FLACC1: variants seen among roughly 807,000 people sequenced by gnomAD.
The protein encoded by FLACC1 is flagellum-associated coiled-coil domain-containing protein 1.
FLACC1 carries 66 observed loss-of-function variants against 62.8 expected under a neutral mutation model. That is an observed-to-expected ratio of 1.05 (90% CI 0.86 to 1.29). The LOEUF is 1.29. Ranked by LOEUF, FLACC1 falls within the 50% of genes most tolerant of loss-of-function variation. The probability of loss-of-function intolerance (pLI) is 0.00; values close to 1 mark genes in which losing one functional copy is unlikely to be tolerated. For synonymous variants in FLACC1, 156 were observed against 161.0 expected, an observed-to-expected ratio of 0.97 and a Z score of 0.24; for missense variants, 452 against 489.1, an observed-to-expected ratio of 0.92 and a Z score of 0.71.
At chr2:201,305,877 T>C (rs753751540) in intron 11 of FLACC1, among the ~76,000 whole-genome samples, 9 of 144,504 alleles carry the variant, frequency 6.2e-5, no homozygotes, top group Non-Finnish European at 9.0e-5. Flanking sequence ...AGGTAGGAAA[T>C]GAACAATGAG....
intron 12 of FLACC1, among the ~76,000 whole-genome samples, chr2:201,295,857 T>C (rs1949849434): frequency 6.6e-6 from 1 of 152,150 alleles, no homozygotes; most frequent in Non-Finnish European, 1.5e-5. Flanking sequence ...GCAAAGGATA[T>C]GAACAGACAC....
chr2:201,340,389 G>T (rs767769188), intron 7 of FLACC1, among the ~76,000 whole-genome samples: 2 of 151,896 alleles, frequency 1.3e-5, no homozygotes, highest in Non-Finnish European at 2.9e-5. Flanking sequence ...TTTGTGTTGT[G>T]CTACTGCTAA....
chr2:201,292,837 C>T (rs1228363060), intron 12 of FLACC1, among the ~76,000 whole-genome samples: 3 of 151,906 alleles, frequency 2.0e-5, no homozygotes, highest in Admixed American at 1.3e-4. Flanking sequence ...ATCTACCAAG[C>T]AAATGGAAAA....
intron 1 of FLACC1, among the ~76,000 whole-genome samples, chr2:201,354,774 G>C (rs1480734573): frequency 6.6e-6 from 1 of 152,172 alleles, no homozygotes; most frequent in Non-Finnish European, 1.5e-5. Context: ...GGAGTCCATG[G>C]GGCAAGAAGT....
chr2:201,341,904 A>T (rs1318886857), intron 7 of FLACC1, among the ~76,000 whole-genome samples: 1 of 151,982 alleles, frequency 6.6e-6, no homozygotes, highest in African/African-American at 2.4e-5. Context: ...TCTTGATTTG[A>T]CTTTGCTCCT....
intron 9 of FLACC1, among the ~76,000 whole-genome samples, chr2:201,323,809 G>GAAAAAAAAAAAAAAAAAAAAAAT: frequency 1.3e-5 from 1 of 77,374 alleles, no homozygotes; most frequent in South Asian, 5.8e-4. Context: ...AAAAAGTAAG[G>GAAAAAAAAAAAAAAAAAAAAAAT]AAGGAAGGAA....
At chr2:201,355,453 G>C (rs1951101122) in intron 1 of FLACC1, among the ~76,000 whole-genome samples, 1 of 152,078 alleles carries the variant, frequency 6.6e-6, no homozygotes, top group African/African-American at 2.4e-5. Context: ...ATCACTCAGT[G>C]GAGTTTTACA....
chr2:201,332,171 G>A (rs903863069), intron 7 of FLACC1, among the ~76,000 whole-genome samples: 2 of 151,780 alleles, frequency 1.3e-5, no homozygotes, highest in Non-Finnish European at 2.9e-5. Flanking sequence ...AAAAAGTGAT[G>A]TTATGATTTA....
In FLACC1 at chr2:201,357,233, T is replaced by C. The variant is rs1304524147; in HGVS notation, c.-299A>G. The C allele has an allele frequency of 6.6e-6, 1 of 152,252 alleles. No individual in the cohort carries two copies. The highest frequency in any genetic ancestry group is 1.5e-5 in the Non-Finnish European group (1 of 68,040). 9.4% of individuals were successfully genotyped at this position (152,252 alleles called of 1,614,324 possible). A position where few individuals can be genotyped will look rare whatever the true frequency, so the allele number is the denominator to read the frequency against. ...TACAAAGGCTGGCCTGGCACAAACA[T>C]GAATTTCCCTTCTAAAGACAAAACA... On this transcript the variant is annotated 5_prime_UTR_variant, in exon 1 of 15. An upstream start codon of the reference 5' UTR is lost. Coordinates refer to ENST00000392257, the MANE Select transcript of FLACC1 (RefSeq NM_001127391.3).
At chr2:201,307,687 C>T (rs949453424) in intron 10 of FLACC1, 65 bp from the exon 11 acceptor site, 3 of 1,148,576 alleles carry the variant, frequency 2.6e-6, no homozygotes, top group South Asian at 2.5e-5. Context: ...AATGAGAAAC[C>T]CAGAATATCT....
intron 11 of FLACC1, among the ~76,000 whole-genome samples, chr2:201,300,194 C>T (rs537266037): frequency 1.6e-4 from 24 of 152,296 alleles, no homozygotes; most frequent in Middle Eastern, 3.4e-3. Context: ...CCGTGACAGA[C>T]GGCACCTGGA....
intron 4 of FLACC1, 41 bp downstream of exon 4, chr2:201,348,213 A>T: frequency 6.3e-7 from 1 of 1,597,684 alleles, no homozygotes; most frequent in Non-Finnish European, 8.5e-7. Flanking sequence ...GTAGGCACTC[A>T]ATAAATTTTA....
chr2:201,354,279 C>A (rs1045645712), intron 1 of FLACC1, among the ~76,000 whole-genome samples: 1 of 152,162 alleles, frequency 6.6e-6, no homozygotes, highest in Non-Finnish European at 1.5e-5. Context: ...GGACCTTGCC[C>A]TCAGGGAGCT....
chr2:201,342,488 C>T (rs951863232), intron 6 of FLACC1, 57 bp from the exon 7 acceptor site: 47 of 1,560,814 alleles, frequency 3.0e-5, no homozygotes, highest in Non-Finnish European at 4.1e-5. Flanking sequence ...CCATTCTGAT[C>T]TGCACCTTCT....
rs375189315 is a variant in FLACC1 at position 201,332,924 on chromosome 2, A to G, written c.525-2091T>C. Among the ~76,000 whole-genome samples, 6 of 152,332 alleles carry G rather than the reference A, an allele frequency of 3.9e-5. No individual in the cohort carries two copies. In the East Asian group the frequency reaches 5.8e-4, roughly 15 times the overall value. ...TAAAGGCTGAATAGTATTCCATTTT[A>G]TGTATATACCACATTTTCTTTATCC... On this transcript the variant is annotated intron_variant, in intron 7 of 14. Transcript: ENST00000392257.
At chr2:201,336,599 A>G (rs1318986543) in intron 7 of FLACC1, among the ~76,000 whole-genome samples, 1 of 152,192 alleles carries the variant, frequency 6.6e-6, no homozygotes, top group East Asian at 1.9e-4. Flanking sequence ...TGCTTTCCAC[A>G]GTGGCTGAAC....
chr2:201,320,514 G>A (rs1053623454), intron 9 of FLACC1, among the ~76,000 whole-genome samples: 11 of 152,268 alleles, frequency 7.2e-5, no homozygotes, highest in Non-Finnish European at 1.5e-4. Flanking sequence ...GAGTGCATCT[G>A]TCTTGCCAAG....
In FLACC1 at chr2:201,290,642, G is replaced by T. The variant is rs577114104; in HGVS notation, c.943-857C>A. On this transcript the variant is annotated intron_variant, in intron 12 of 14. Coordinates refer to ENST00000392257, the MANE Select transcript of FLACC1 (RefSeq NM_001127391.3). ...TATGATTTCTGCATTTCCAACTGAG[G>T]TATCGTGTTCATCTCACTGGGGATT... 5.3e-5 allele frequency among the ~76,000 whole-genome samples: 8 copies of T among 152,272 alleles called. No individual in the cohort carries two copies. The South Asian group carries it at 1.7e-3, about 32-fold the overall frequency.
chr2:201,289,460 A>AGAT lies in FLACC1; in HGVS notation c.1136_1138dup (p.His379dup), dbSNP rs1949676640. The AGAT allele has an allele frequency of 6.2e-7, 1 of 1,613,852 alleles. No individual in the cohort carries two copies. The highest frequency in any genetic ancestry group is 1.3e-5 in the African/African-American group (1 of 75,054). ...TCTTTTTCAGCAGCAGCCGCACTTC[A>AGAT]GATGAATGTTCTCTTCCGTCAGGAT... On this transcript the variant is annotated inframe_insertion, in exon 14 of 15. Coordinates refer to ENST00000392257, the MANE Select transcript of FLACC1 (RefSeq NM_001127391.3).
Sources: allele counts gnomAD v4.1 joint callset (sites outside exome capture counted in the v4.1 genomes callset), GRCh38; gene constraint gnomAD v4.1.1; transcripts MANE v1.5; gene names NCBI Gene and HGNC (gene_info 2026-07-23, HGNC 2026-07-21).